Variants in TLN2 observed in about 807,000 individuals in gnomAD.
TLN2 encodes the protein talin 2, also known as talin-2.
Under a neutral mutation model 294.7 loss-of-function variants are expected in TLN2, and 118 were observed. The observed-to-expected ratio is 0.40, with a 90% CI of 0.34 to 0.47. The LOEUF is 0.47. Among genes scored for constraint, TLN2 ranks in the 20% least tolerant of loss-of-function variants. The pLI is 0.84. For synonymous variants in TLN2, 1,431 were observed against 1,304.5 expected (o/e 1.10, Z -2.09); for missense variants, 3,083 against 3,282.2 (o/e 0.94, Z 1.48).
At chr15:62,674,177 T>G (rs1025792282) in intron 10 of TLN2, among the ~76,000 whole-genome samples, 2 of 152,226 alleles carry the variant, frequency 1.3e-5, no homozygotes, top group African/African-American at 4.8e-5. Context: ...GATAGACTGT[T>G]AACATGCATT....
At chr15:62,616,325 C>T (rs563017233) in intron 2 of TLN2, among the ~76,000 whole-genome samples, 16 of 152,096 alleles carry the variant, frequency 1.1e-4, no homozygotes, top group Non-Finnish European at 2.2e-4. Flanking sequence ...CTGTAGAGCC[C>T]GAGGATGTAA....
chr15:62,703,602 G>GACAC (rs748715423), intron 19 of TLN2, among the ~76,000 whole-genome samples: 1 of 127,650 alleles, frequency 7.8e-6, no homozygotes, highest in African/African-American at 2.9e-5. Context: ...TGTTTACTTC[G>GACAC]ACACACACAC....
chr15:62,580,733 C>T (rs1166671838), intron 1 of TLN2, among the ~76,000 whole-genome samples: 4 of 151,906 alleles, frequency 2.6e-5, no homozygotes, highest in South Asian at 2.1e-4. Context: ...TGGTGTTGCA[C>T]GTTCTTTTGA....
chr15:62,719,871 C>T lies in TLN2; in HGVS notation c.2982C>T (p.Asn994=), dbSNP rs1046858630. Residue 994 remains asparagine (N), a synonymous_variant, in exon 25 of 59, where the codon AAC becomes AAT. Coordinates refer to ENST00000636159, the MANE Select transcript of TLN2 (RefSeq NM_015059.3). ...AQLALIISSQ[N]FLQPGSKMVS... is the part of the protein sequence containing the mutation. ...TGGCTCTCATCATCTCCAGCCAGAA[C>T]TTCCTCCAGGTAACAGGGCTGTGGT... 5 of 1,609,274 alleles carry T rather than the reference C, an allele frequency of 3.1e-6. No homozygotes were observed. Among genetic ancestry groups the T allele is most frequent in the Admixed American group, 3.4e-5 (2 of 59,696 alleles).
In TLN2 at chr15:62,702,769, C is replaced by G. The variant is rs771898088; in HGVS notation, c.1909C>G (p.Arg637Gly). 1 of 1,614,088 alleles carries G rather than the reference C, an allele frequency of 6.2e-7. No individual in the cohort carries two copies. The highest frequency in any genetic ancestry group is 1.7e-5 in the Admixed American group (1 of 60,014). Residue 637 changes from arginine (R) to glycine (G), a missense_variant, in exon 19 of 59, where the codon CGA (arginine) becomes GGA (glycine). By Grantham distance (125) the Arg-to-Gly change is moderately radical. Transcript: ENST00000636159. ...AAGGTGTGTTGTTTGTTCACAGCCT[C>G]GACAGACAGTTTTGACTGCTGCTGG... ...KAVQPTSGEPRQTVLTAAGSI... is the reference protein window; with the variant it reads ...KAVQPTSGEPGQTVLTAAGSI...
chr15:62,508,213 TTTTA>T (rs940243934), intron 1 of TLN2, among the ~76,000 whole-genome samples: 173 of 152,152 alleles, frequency 1.1e-3, no homozygotes, highest in African/African-American at 3.8e-3. Flanking sequence ...TTTAAAATTA[TTTTA>T]TTTATTTATT....
rs897239301 is a variant in TLN2 at position 62,612,085 on chromosome 15, C to A, written c.-161-6266C>A. The stretch of plus-strand genomic sequence containing the variant: ...CTACTTCTTGCTTGTATCTAAACCG[C>A]CCCCTGACCCAGCATCTACCTGCCC... On this transcript the variant is annotated intron_variant, in intron 2 of 58. Coordinates refer to ENST00000636159, the MANE Select transcript of TLN2 (RefSeq NM_015059.3). Among the ~76,000 whole-genome samples, 5 of 151,742 alleles carry A rather than the reference C, an allele frequency of 3.3e-5. No individual in the cohort carries two copies. The South Asian group carries it at 1.0e-3, about 31-fold the overall frequency.
At chr15:62,767,250 G>A (rs1261798495) in intron 41 of TLN2, among the ~76,000 whole-genome samples, 2 of 152,116 alleles carry the variant, frequency 1.3e-5, no homozygotes, top group Non-Finnish European at 2.9e-5. Flanking sequence ...TCCAAGGAGG[G>A]ATTTTTAAGA....
chr15:62,659,683 T>C (rs553493266), intron 9 of TLN2, among the ~76,000 whole-genome samples: 2 of 152,364 alleles, frequency 1.3e-5, no homozygotes, highest in East Asian at 3.9e-4. Flanking sequence ...AGTTTATGCC[T>C]GTAGTGGTAC....
chr15:62,636,093 G>A lies in TLN2; in HGVS notation c.-36-11182G>A, dbSNP rs931719198. Among the ~76,000 whole-genome samples the A allele has an allele frequency of 3.9e-5, 6 of 152,218 alleles. No homozygotes were observed. In the East Asian group the frequency reaches 9.6e-4, roughly 24 times the overall value. On this transcript the variant is annotated intron_variant, in intron 3 of 58. Coordinates refer to ENST00000636159, the MANE Select transcript of TLN2 (RefSeq NM_015059.3). ...GCCAGGCGCGTAATCACTTACATGT[G>A]TTAGCTGCTACTATATACTTAAAAT...
At chr15:62,392,767 C>T (rs1324053034) in intron 1 of TLN2, among the ~76,000 whole-genome samples, 8 of 152,022 alleles carry the variant, frequency 5.3e-5, no homozygotes, top group Admixed American at 3.3e-4. Flanking sequence ...GTTAGGTGTG[C>T]AGAGGGAGGG....
At chr15:62,466,013 G>C (rs996825999) in intron 1 of TLN2, among the ~76,000 whole-genome samples, 4 of 152,202 alleles carry the variant, frequency 2.6e-5, no homozygotes. Context: ...GGAGAAAGCA[G>C]TTGCTTTTAG....
intron 44 of TLN2, among the ~76,000 whole-genome samples, chr15:62,782,033 A>G (rs1334894080): frequency 6.6e-6 from 1 of 152,256 alleles, no homozygotes; most frequent in Non-Finnish European, 1.5e-5. Flanking sequence ...ATGCCATAAG[A>G]TAAAAGTTTG....
At chr15:62,764,653 G>C (rs983252187) in intron 40 of TLN2, among the ~76,000 whole-genome samples, 56 of 152,184 alleles carry the variant, frequency 3.7e-4, no homozygotes, top group Non-Finnish European at 8.8e-5. Flanking sequence ...CCGGCAGCCA[G>C]ATCAAGAAAC....
At chr15:62,725,275 A>G (rs1177775062) in intron 27 of TLN2, among the ~76,000 whole-genome samples, 171 bp downstream of exon 27, 1 of 152,194 alleles carries the variant, frequency 6.6e-6, no homozygotes, top group Admixed American at 6.5e-5. Context: ...GTTTGGAGTT[A>G]TGAGCGCTGG....
intron 42 of TLN2, among the ~76,000 whole-genome samples, chr15:62,774,190 A>G (rs960720078): frequency 2.0e-5 from 3 of 152,004 alleles, no homozygotes; most frequent in Admixed American, 6.5e-5. Context: ...CCATTTTTCC[A>G]TACTCCTGTG....
At chr15:62,622,185 ATTATTAGTC>A (rs1289841062) in intron 3 of TLN2, among the ~76,000 whole-genome samples, 5 of 150,698 alleles carry the variant, frequency 3.3e-5, no homozygotes, top group African/African-American at 1.2e-4. Context: ...TGTGCAAATT[ATTATTAGTC>A]TTAATTTGGA....
At chr15:62,757,528 C>G (rs1047256046) in intron 37 of TLN2, among the ~76,000 whole-genome samples, 4 of 152,118 alleles carry the variant, frequency 2.6e-5, no homozygotes, top group African/African-American at 9.7e-5. Flanking sequence ...TTTCTGGAGC[C>G]CTTTCTTGTC....
intron 1 of TLN2, among the ~76,000 whole-genome samples, chr15:62,456,336 A>T (rs1329117245): frequency 6.6e-6 from 1 of 152,172 alleles, no homozygotes; most frequent in African/African-American, 2.4e-5. Flanking sequence ...GGCTCTTCAG[A>T]GCTGCAGCAG....
Sources: gnomAD v4.1 joint callset for allele counts (sites outside exome capture counted in the v4.1 genomes callset) on GRCh38, gnomAD v4.1.1 for gene constraint, MANE v1.5 for transcripts, NCBI Gene and HGNC (gene_info 2026-07-23, HGNC 2026-07-21) for gene names.